The following ATP8B4 variants were observed in gnomAD, a reference collection of about 807,000 sequenced individuals.
ATP8B4 encodes the protein probable phospholipid-transporting ATPase IM.
In ATP8B4, 133 loss-of-function variants were observed where a neutral mutation model predicts 145.6. The ratio of observed to expected loss-of-function variants is 0.91; its 90% CI spans 0.79 to 1.05. The LOEUF (loss-of-function observed/expected upper bound fraction) is 1.05. ATP8B4 is among the 50% of genes least tolerant of loss of function. The pLI is 0.00. For missense variants in ATP8B4, 1,458 were observed against 1,425.2 expected (o/e 1.02, Z -0.37); for synonymous variants, 507 against 492.9 (o/e 1.03, Z -0.38).
In ATP8B4 at chr15:49,981,245, C is replaced by A; in HGVS notation, c.798G>T (p.Arg266Ser). ...TATTCATCAATCTATCAATGCTTGT[C>A]CTTTTAAACTTTGTCTTACCACTAT... ...MQNSGKTKFK[R>S]TSIDRLMNTL... Residue 266 changes from arginine (R) to serine (S), a missense_variant, in exon 11 of 28, where the codon AGG becomes AGT. Coordinates refer to ENST00000284509, the MANE Select transcript of ATP8B4 (RefSeq NM_024837.4). The A allele has an allele frequency of 6.2e-7, 1 of 1,610,706 alleles. No homozygotes were observed. Among genetic ancestry groups the A allele is most frequent in the South Asian group, 1.1e-5 (1 of 90,984 alleles).
intron 16 of ATP8B4, among the ~76,000 whole-genome samples, chr15:49,930,019 TCAGTGGACAC>T (rs1218272816): frequency 6.6e-6 from 1 of 151,854 alleles, no homozygotes; most frequent in East Asian, 1.9e-4. Context: ...AGTGGCAAAG[TCAGTGGACAC>T]CAGCATATGA....
intron 23 of ATP8B4, among the ~76,000 whole-genome samples, chr15:49,894,328 T>C (rs1271756368): frequency 6.6e-6 from 1 of 152,188 alleles, no homozygotes; most frequent in Non-Finnish European, 1.5e-5. Context: ...AAGTACCCTT[T>C]CCAGTATAAG....
At chr15:50,011,974 A>G (rs2048751347) in intron 6 of ATP8B4, among the ~76,000 whole-genome samples, 3 of 152,152 alleles carry the variant, frequency 2.0e-5, no homozygotes, top group Non-Finnish European at 2.9e-5. Context: ...AATATGCCTC[A>G]CACTATCAAC....
intron 9 of ATP8B4, among the ~76,000 whole-genome samples, chr15:49,995,149 A>C (rs2047322569): frequency 6.6e-6 from 1 of 152,178 alleles, no homozygotes; most frequent in Non-Finnish European, 1.5e-5. Context: ...ATGGGACCTA[A>C]ATAATTGCTA....
At chr15:50,044,526 C>CA in intron 5 of ATP8B4, 68 bp downstream of exon 5, 1 of 1,099,510 alleles carries the variant, frequency 9.1e-7, no homozygotes. Flanking sequence ...AATGTATCTT[C>CA]ATTATCTATT....
Position 50,106,952 on chromosome 15 carries a change from T to C in ATP8B4, c.15A>G (p.Glu5=). 6.3e-7 allele frequency: 1 copy of C among 1,598,160 alleles called. No individual in the cohort carries two copies. Among genetic ancestry groups the C allele is most frequent in the South Asian group, 1.2e-5 (1 of 86,434 alleles). Reference sequence around the variant, plus strand: ...CTCAAAACTTACCACGCAATTTCTTTTCACTGCAGAACATTATTATACCTG... The same window carrying C: ...CTCAAAACTTACCACGCAATTTCTTCTCACTGCAGAACATTATTATACCTG... MFCS[E]KKLREVERIV... Residue 5 remains glutamate (E), a synonymous_variant, in exon 2 of 28, where the codon GAA becomes GAG. Coordinates refer to ENST00000284509, the MANE Select transcript of ATP8B4 (RefSeq NM_024837.4).
chr15:50,018,039 G>C (rs1251393209), intron 6 of ATP8B4, among the ~76,000 whole-genome samples: 2 of 147,468 alleles, frequency 1.4e-5, no homozygotes, highest in African/African-American at 5.1e-5. Context: ...CCAGGCTGGA[G>C]TGCAGTGGCA....
chr15:49,874,976 CAA>C (rs948343648), intron 25 of ATP8B4, among the ~76,000 whole-genome samples: 1 of 147,812 alleles, frequency 6.8e-6, no homozygotes, highest in African/African-American at 2.5e-5. Flanking sequence ...TATGGGCAAG[CAA>C]AAAAAAAGAG....
chr15:50,173,483 C>G (rs138761110), intron 1 of ATP8B4, among the ~76,000 whole-genome samples: 1 of 151,896 alleles, frequency 6.6e-6, no homozygotes, highest in Non-Finnish European at 1.5e-5. Flanking sequence ...GTTAAACAGA[C>G]GCTTGAAGGC....
intron 20 of ATP8B4, among the ~76,000 whole-genome samples, chr15:49,909,021 C>T (rs2038933701): frequency 6.6e-6 from 1 of 152,244 alleles, no homozygotes; most frequent in Non-Finnish European, 1.5e-5. Context: ...GAGCATTCCA[C>T]CAGAGGCCTT....
chr15:50,041,784 C>CA (rs1246830999), intron 5 of ATP8B4, among the ~76,000 whole-genome samples: 1 of 151,968 alleles, frequency 6.6e-6, no homozygotes, highest in Non-Finnish European at 1.5e-5. Context: ...ACTAAAAATA[C>CA]AAAAAATTAG....
chr15:49,870,084 A>C (rs2033441465), intron 25 of ATP8B4, among the ~76,000 whole-genome samples: 1 of 152,164 alleles, frequency 6.6e-6, no homozygotes, highest in Non-Finnish European at 1.5e-5. Context: ...CCTTAATAGC[A>C]AAAAACATAT....
chr15:50,117,947 A>G (rs1416225203), intron 1 of ATP8B4, among the ~76,000 whole-genome samples: 2 of 152,162 alleles, frequency 1.3e-5, no homozygotes, highest in Admixed American at 1.3e-4. Context: ...GGAGCTAAAA[A>G]AGTTGATCTC....
intron 1 of ATP8B4, among the ~76,000 whole-genome samples, chr15:50,167,296 G>C (rs951025317): frequency 2.6e-5 from 4 of 152,184 alleles, no homozygotes; most frequent in Non-Finnish European, 5.9e-5. Flanking sequence ...GAGGACAAAA[G>C]TCCAAAGTCA....
At chr15:50,111,336 C>T (rs1196329223) in intron 1 of ATP8B4, among the ~76,000 whole-genome samples, 2 of 152,216 alleles carry the variant, frequency 1.3e-5, no homozygotes, top group Non-Finnish European at 2.9e-5. Flanking sequence ...GGAAAGAATG[C>T]ACTTGTCATG....
At chr15:50,099,238 C>T (rs983663724) in intron 2 of ATP8B4, among the ~76,000 whole-genome samples, 2 of 152,204 alleles carry the variant, frequency 1.3e-5, no homozygotes, top group African/African-American at 4.8e-5. Flanking sequence ...CATAAACAAC[C>T]TTCTTCCTGA....
At chr15:50,106,137 A>T (rs779374979) in intron 2 of ATP8B4, among the ~76,000 whole-genome samples, 1 of 152,226 alleles carries the variant, frequency 6.6e-6, no homozygotes. Context: ...AAGTAGGTTA[A>T]CCACCTATCA....
chr15:49,990,881 C>T (rs2046994661), intron 9 of ATP8B4, among the ~76,000 whole-genome samples: 2 of 151,978 alleles, frequency 1.3e-5, no homozygotes, highest in Admixed American at 1.3e-4. Context: ...GTTTTTTTAG[C>T]GTTTTAGAGA....
At chr15:49,889,462 C>G (rs1440887948) in intron 23 of ATP8B4, among the ~76,000 whole-genome samples, 5 of 152,198 alleles carry the variant, frequency 3.3e-5, no homozygotes, top group Non-Finnish European at 7.3e-5. Context: ...ACATCTCAAG[C>G]CAATCACAAC....
Sources: allele counts gnomAD v4.1 joint callset (sites outside exome capture counted in the v4.1 genomes callset), GRCh38; gene constraint gnomAD v4.1.1; transcripts MANE v1.5; gene names NCBI Gene and HGNC (gene_info 2026-07-23, HGNC 2026-07-21).